Variants in NSUN4 observed in about 807,000 individuals in gnomAD.
NSUN4 encodes 5-cytosine rRNA methyltransferase NSUN4.
In NSUN4, 31 loss-of-function variants were observed where a neutral mutation model predicts 43.8. The ratio of observed to expected loss-of-function variants is 0.71; its 90% CI spans 0.53 to 0.96. The LOEUF is 0.96. Ranked by LOEUF, NSUN4 falls within the 40% of genes least tolerant of loss-of-function variation. The pLI is 0.00. For synonymous variants in NSUN4, 167 were observed against 184.1 expected, an observed-to-expected ratio of 0.91 and a Z score of 0.75; for missense variants, 439 against 475.6, an observed-to-expected ratio of 0.92 and a Z score of 0.72.
At chr1:46,345,460 A>C (rs1484333200) in intron 2 of NSUN4, 1 of 268,062 alleles carries the variant, frequency 3.7e-6, no homozygotes, top group African/African-American at 2.2e-5. Context: ...CAGAACCTGC[A>C]CTTTGAACCC....
At chr1:46,353,689 G>T (rs566501649) in intron 4 of NSUN4, among the ~76,000 whole-genome samples, 3 of 152,172 alleles carry the variant, frequency 2.0e-5, no homozygotes, top group Admixed American at 1.3e-4. Context: ...ATCTTGGCCA[G>T]GCTGGTCTTG....
At position 46,361,753 on chromosome 1, in the gene NSUN4, C is replaced by T. The variant is rs140402816; in HGVS notation, c.1062C>T (p.Phe354=). 1.3e-5 allele frequency: 21 copies of T among 1,614,094 alleles called. No homozygotes were observed. The African/African-American group carries it at 2.3e-4, about 17-fold the overall frequency. Residue 354 remains phenylalanine, a synonymous_variant, in exon 6 of 6, where the codon TTC becomes TTT. Transcript: ENST00000474844. ...FRRVFMDTFC[F]FSSCQVGELV... is the part of the protein sequence containing the mutation. Reference sequence around the variant, plus strand: ...GGGTTTTCATGGACACATTTTGTTTCTTCTCATCCTGTCAGGTTGGGGAGC... The same window carrying T: ...GGGTTTTCATGGACACATTTTGTTTTTTCTCATCCTGTCAGGTTGGGGAGC...
At chr1:46,374,040 AC>A in the NSUN4 span, among the ~76,000 whole-genome samples, 1 of 152,088 alleles carries the variant, frequency 6.6e-6, no homozygotes, top group Admixed American at 6.6e-5. Context: ...TAATCCCAGC[AC>A]TTTGGAAGGC....
the NSUN4 span, among the ~76,000 whole-genome samples, chr1:46,376,357 C>G: frequency 1.3e-5 from 2 of 150,420 alleles, no homozygotes; most frequent in Admixed American, 6.6e-5. Context: ...TTGCATAAGA[C>G]AAGATCACAC....
Position 46,359,277 on chromosome 1 carries a change from T to C in NSUN4, c.754-1427T>C, listed in dbSNP as rs1407634233. On this transcript the variant is annotated intron_variant, in intron 4 of 5. Transcript: ENST00000474844. ...TCCATCCCAAAAACAAACAAACAAA[T>C]AAACTGGGAATTTAGTTTTACTGGT... is the stretch of plus-strand genomic sequence containing the variant. 3.3e-5 allele frequency among the ~76,000 whole-genome samples: 5 copies of C among 152,052 alleles called. No homozygotes were observed. In the East Asian group the frequency reaches 9.7e-4, roughly 29 times the overall value.
the NSUN4 span, among the ~76,000 whole-genome samples, chr1:46,371,135 A>AT: frequency 0.015 from 1,936 of 131,122 alleles, 18 homozygotes; most frequent in African/African-American, 0.019. Flanking sequence ...TGCCACCTTG[A>AT]TTTTTTTTTT....
chr1:46,360,735 G>A lies in NSUN4; in HGVS notation c.785G>A (p.Arg262His), dbSNP rs201711075. 1.3e-4 allele frequency: 210 copies of A among 1,613,734 alleles called. No individual in the cohort carries two copies. The highest frequency in any genetic ancestry group is 1.7e-4 in the Non-Finnish European group (205 of 1,179,818). ...GTGGATGTGCCCTGTACCACAGACCGCCACTCCCTTCATGAGGAGGAGAAC... is the reference window on the plus strand; with the variant it reads ...GTGGATGTGCCCTGTACCACAGACCACCACTCCCTTCATGAGGAGGAGAAC... Reference protein sequence around the residue: ...VLVDVPCTTDRHSLHEEENNI... With the variant: ...VLVDVPCTTDHHSLHEEENNI... Residue 262 changes from arginine (R) to histidine (H), a missense_variant, in exon 5 of 6, where the codon CGC (arginine) becomes CAC (histidine). By Grantham distance (29) the Arg-to-His change is conservative. Transcript: ENST00000474844.
the NSUN4 span, among the ~76,000 whole-genome samples, chr1:46,373,364 A>G: frequency 1.3e-5 from 2 of 152,202 alleles, no homozygotes; most frequent in Non-Finnish European, 2.9e-5. Context: ...CTCAACACCA[A>G]TCTTGTGTCT....
intron 4 of NSUN4, among the ~76,000 whole-genome samples, chr1:46,354,041 A>C (rs1011466434): frequency 6.6e-6 from 1 of 152,184 alleles, no homozygotes; most frequent in African/African-American, 2.4e-5. Context: ...TTTTTTTGCC[A>C]AATGGATAGT....
the NSUN4 span, among the ~76,000 whole-genome samples, chr1:46,382,326 A>C: frequency 6.6e-6 from 1 of 152,168 alleles, no homozygotes; most frequent in East Asian, 1.9e-4. Flanking sequence ...TAGGGCCACT[A>C]TGCAATGAAA....
At chr1:46,379,192 A>G in the NSUN4 span, among the ~76,000 whole-genome samples, 29 of 150,566 alleles carry the variant, frequency 1.9e-4, no homozygotes, top group African/African-American at 7.1e-4. Context: ...GGGCCCAGAT[A>G]TCTGCATTCA....
At chr1:46,346,704 A>G (rs1461138117) in intron 2 of NSUN4, among the ~76,000 whole-genome samples, 1 of 152,208 alleles carries the variant, frequency 6.6e-6, no homozygotes, top group African/African-American at 2.4e-5. Context: ...AGCCTGGGTA[A>G]CAAAAGTGAA....
At chr1:46,351,681 T>TG (rs1478101958) in intron 3 of NSUN4, among the ~76,000 whole-genome samples, 3,199 of 127,478 alleles carry the variant, frequency 0.025, 34 homozygotes, top group Non-Finnish European at 0.043. Context: ...TTTTTTTTTT[T>TG]TGAGATGGAG....
At chr1:46,368,438 G>T (rs1023635507), downstream of NSUN4, among the ~76,000 whole-genome samples, 2 of 152,144 alleles carry the variant, frequency 1.3e-5, no homozygotes, top group Non-Finnish European at 2.9e-5. Flanking sequence ...GCCTCAAGAA[G>T]CCTCGCAACT....
At chr1:46,353,998 A>C (rs1663190428) in intron 4 of NSUN4, among the ~76,000 whole-genome samples, 1 of 152,182 alleles carries the variant, frequency 6.6e-6, no homozygotes, top group Admixed American at 6.5e-5. Flanking sequence ...CTGATTTCCC[A>C]CATGCTGCCA....
chr1:46,355,224 G>T (rs10158236), intron 4 of NSUN4, among the ~76,000 whole-genome samples: 34,115 of 152,122 alleles, frequency 0.22, 4,300 homozygotes, highest in Non-Finnish European at 0.29. Flanking sequence ...AGGCAAGCAG[G>T]ACCCATTATC....
rs191823559 is a variant in NSUN4 at position 46,364,466 on chromosome 1, C to T, written c.*2620C>T. On this transcript the variant is annotated 3_prime_UTR_variant, in exon 6 of 6. Coordinates refer to ENST00000474844, the MANE Select transcript of NSUN4 (RefSeq NM_199044.4). ...CTGAGGCAGGTGGATCACCTGAGGT[C>T]AGGAGGAGTTCAAGACCAGCCTGGC... is the stretch of plus-strand genomic sequence containing the variant. 4.1e-3 allele frequency: 622 copies of T among 152,236 alleles called. 6 individuals carry two copies. Among genetic ancestry groups the T allele is most frequent in the Non-Finnish European group, 5.4e-3 (371 of 68,120 alleles). 9.4% of individuals were successfully genotyped at this position (152,236 alleles called of 1,614,324 possible). A position where few individuals can be genotyped will look rare whatever the true frequency, so the allele number is the denominator to read the frequency against.
the NSUN4 span, among the ~76,000 whole-genome samples, chr1:46,379,848 C>A: frequency 6.6e-6 from 1 of 152,020 alleles, no homozygotes; most frequent in African/African-American, 2.4e-5. Context: ...TGAACAGCTA[C>A]CCCATACCTC....
chr1:46,346,899 A>G, intron 2 of NSUN4, 22 bp from the exon 3 acceptor site: 1 of 1,606,148 alleles, frequency 6.2e-7, no homozygotes, highest in Non-Finnish European at 8.5e-7. Context: ...ATTTAACAAT[A>G]AAGTGGTCTC....
Sources: gnomAD v4.1 joint callset for allele counts (sites outside exome capture counted in the v4.1 genomes callset) on GRCh38, gnomAD v4.1.1 for gene constraint, MANE v1.5 for transcripts, NCBI Gene and HGNC (gene_info 2026-07-23, HGNC 2026-07-21) for gene names.